PDE4B: variants seen among roughly 807,000 people sequenced by gnomAD.
PDE4B encodes the protein phosphodiesterase 4B, also known as 3',5'-cyclic-AMP phosphodiesterase 4B.
Under a neutral mutation model 82.2 loss-of-function variants are expected in PDE4B, and 20 were observed. The ratio of observed to expected loss-of-function variants is 0.24; its 90% CI spans 0.17 to 0.35. The LOEUF is 0.35. Ranked by LOEUF, PDE4B falls within the 10% of genes least tolerant of loss-of-function variation. The pLI is 1.00. For missense variants in PDE4B, 655 were observed against 907.2 expected, an observed-to-expected ratio of 0.72 and a Z score of 3.57; for synonymous variants, 320 against 318.9, an observed-to-expected ratio of 1.00 and a Z score of -0.04.
chr1:66,235,842 C>T (rs1209042032), intron 3 of PDE4B, among the ~76,000 whole-genome samples: 3 of 152,110 alleles, frequency 2.0e-5, no homozygotes, highest in East Asian at 3.8e-4. Flanking sequence ...AATCGGGCAG[C>T]CCTCAGATCA....
chr1:66,370,595 CTGAT>C (rs1187619043), intron 16 of PDE4B, among the ~76,000 whole-genome samples: 3 of 152,234 alleles, frequency 2.0e-5, no homozygotes, highest in African/African-American at 7.2e-5. Context: ...TGAACACTGT[CTGAT>C]TGGCCCAGCA....
At chr1:66,149,916 A>G (rs1036996945) in intron 3 of PDE4B, among the ~76,000 whole-genome samples, 1 of 152,186 alleles carries the variant, frequency 6.6e-6, no homozygotes, top group Non-Finnish European at 1.5e-5. Flanking sequence ...TAAATTTTGA[A>G]ATAATTTTTT....
At chr1:65,915,556 A>G (rs2100466419) in intron 2 of PDE4B, among the ~76,000 whole-genome samples, 2 of 152,318 alleles carry the variant, frequency 1.3e-5, no homozygotes, top group Middle Eastern at 3.4e-3. Flanking sequence ...TGAAATAGAC[A>G]AAACAAAAGA....
At chr1:66,161,498 G>A (rs1482833049) in intron 3 of PDE4B, among the ~76,000 whole-genome samples, 1 of 151,752 alleles carries the variant, frequency 6.6e-6, no homozygotes, top group African/African-American at 2.4e-5. Flanking sequence ...TTTTCCACAG[G>A]TGCTCTAATT....
At chr1:66,020,996 A>G (rs1159235975) in intron 3 of PDE4B, among the ~76,000 whole-genome samples, 7 of 152,156 alleles carry the variant, frequency 4.6e-5, no homozygotes, top group Non-Finnish European at 7.4e-5. Flanking sequence ...TGACTTTTTA[A>G]TGATTGCCAT....
chr1:66,191,956 G>A (rs191537617), intron 3 of PDE4B, among the ~76,000 whole-genome samples: 5 of 152,128 alleles, frequency 3.3e-5, no homozygotes, highest in East Asian at 1.9e-4. Context: ...TATCTCCCAC[G>A]GGTCCCTCCC....
chr1:66,302,460 G>GCA (rs1288045325), intron 7 of PDE4B, among the ~76,000 whole-genome samples: 2 of 152,118 alleles, frequency 1.3e-5, no homozygotes, highest in African/African-American at 4.8e-5. Flanking sequence ...TTCATTTGTT[G>GCA]AGCAAATCTG....
intron 3 of PDE4B, among the ~76,000 whole-genome samples, chr1:65,959,122 A>G (rs1169906935): frequency 6.6e-6 from 1 of 152,212 alleles, no homozygotes; most frequent in Non-Finnish European, 1.5e-5. Flanking sequence ...TCTCTTTCAA[A>G]TGGATAATCA....
At chr1:65,969,809 T>G (rs750929538) in intron 3 of PDE4B, among the ~76,000 whole-genome samples, 7 of 152,140 alleles carry the variant, frequency 4.6e-5, no homozygotes, top group Non-Finnish European at 8.8e-5. Flanking sequence ...CTTTTTCCCT[T>G]GGTGTTTTTT....
At chr1:65,936,182 A>G (rs1648125630) in intron 3 of PDE4B, among the ~76,000 whole-genome samples, 1 of 152,176 alleles carries the variant, frequency 6.6e-6, no homozygotes, top group African/African-American at 2.4e-5. Flanking sequence ...CTTCAGGAGC[A>G]GTAACACACA....
chr1:66,108,663 G>T (rs1389741731), intron 3 of PDE4B, among the ~76,000 whole-genome samples: 1 of 136,966 alleles, frequency 7.3e-6, no homozygotes, highest in South Asian at 2.5e-4. Context: ...TGGCCAACAG[G>T]TTCATGAAAA....
intron 3 of PDE4B, among the ~76,000 whole-genome samples, chr1:66,093,983 G>T (rs1168641259): frequency 6.6e-6 from 1 of 151,924 alleles, no homozygotes; most frequent in African/African-American, 2.4e-5. Context: ...AGGTATTCTG[G>T]ATATTCCATT....
At chr1:66,252,925 T>C (rs577304914) in intron 4 of PDE4B, among the ~76,000 whole-genome samples, 1 of 152,132 alleles carries the variant, frequency 6.6e-6, no homozygotes, top group African/African-American at 2.4e-5. Flanking sequence ...GGTAATAGAG[T>C]GAGACTCTGT....
intron 3 of PDE4B, among the ~76,000 whole-genome samples, chr1:66,131,190 G>C (rs1218663278): frequency 6.6e-6 from 1 of 152,156 alleles, no homozygotes; most frequent in Non-Finnish European, 1.5e-5. Flanking sequence ...ATATGTCCAA[G>C]TGTCCCCAAT....
chr1:65,966,802 A>C (rs1649860200), intron 3 of PDE4B, among the ~76,000 whole-genome samples: 1 of 152,204 alleles, frequency 6.6e-6, no homozygotes, highest in African/African-American at 2.4e-5. Flanking sequence ...TTCCCTATTT[A>C]ATAAATGGTG....
chr1:65,829,823 T>C (rs1488622288), intron 1 of PDE4B, among the ~76,000 whole-genome samples: 2 of 152,194 alleles, frequency 1.3e-5, no homozygotes, highest in African/African-American at 4.8e-5. Context: ...TATTAGGTTA[T>C]AGTCAGAGAT....
At chr1:65,953,527 G>T (rs2100576969) in intron 3 of PDE4B, among the ~76,000 whole-genome samples, 1 of 152,202 alleles carries the variant, frequency 6.6e-6, no homozygotes, top group Non-Finnish European at 1.5e-5. Context: ...CATGAGTGAG[G>T]TAGTGGGCAG....
chr1:66,080,530 C>G (rs887859563), intron 3 of PDE4B, among the ~76,000 whole-genome samples: 5 of 152,104 alleles, frequency 3.3e-5, no homozygotes, highest in Admixed American at 2.6e-4. Context: ...GATGTTATTG[C>G]AGAAATAGCC....
At chr1:66,107,153 G>A (rs1645380844) in intron 3 of PDE4B, among the ~76,000 whole-genome samples, 1 of 151,260 alleles carries the variant, frequency 6.6e-6, no homozygotes, top group African/African-American at 2.4e-5. Context: ...GTTCTCGTTG[G>A]TTTCAAAGAA....
Sources: gnomAD v4.1 joint callset for allele counts (sites outside exome capture counted in the v4.1 genomes callset) on GRCh38, gnomAD v4.1.1 for gene constraint, MANE v1.5 for transcripts, NCBI Gene and HGNC (gene_info 2026-07-23, HGNC 2026-07-21) for gene names.